SRPK2: variants seen among roughly 807,000 people sequenced by gnomAD.
The protein encoded by SRPK2 is SRSF protein kinase 2.
Under a neutral mutation model 90.8 loss-of-function variants are expected in SRPK2, and 21 were observed. The ratio of observed to expected loss-of-function variants is 0.23; its 90% CI spans 0.16 to 0.33. The LOEUF (loss-of-function observed/expected upper bound fraction) is 0.33. Among genes scored for constraint, SRPK2 ranks in the 10% least tolerant of loss-of-function variants. SRPK2 has a pLI of 1.00. For synonymous variants in SRPK2, 288 were observed against 311.1 expected (o/e 0.93, Z 0.78); for missense variants, 620 against 869.0 (o/e 0.71, Z 3.60).
chr7:105,184,494 T>C (rs1793320112), intron 3 of SRPK2, among the ~76,000 whole-genome samples: 1 of 152,212 alleles, frequency 6.6e-6, no homozygotes, highest in Non-Finnish European at 1.5e-5. Context: ...ATAAGCTAAG[T>C]GTCCCAGAGG....
In SRPK2 at chr7:105,371,978, C is replaced by CA. The variant is rs368107016; in HGVS notation, c.71+16669dup. Among the ~76,000 whole-genome samples, 425 of 151,472 alleles carry CA rather than the reference C, an allele frequency of 2.8e-3. 10 individuals carry two copies. The East Asian group carries it at 0.055, about 20-fold the overall frequency. ...TGAAACCCCACCTCTACTAAAAATACAAAAAAATTAGCCAGGCGTGGTGGC... is the reference window on the plus strand; with the variant it reads ...TGAAACCCCACCTCTACTAAAAATACAAAAAAAATTAGCCAGGCGTGGTGGC... On this transcript the variant is annotated intron_variant, in intron 2 of 15. Coordinates refer to ENST00000393651, the MANE Select transcript of SRPK2 (RefSeq NM_182692.3).
At chr7:105,384,058 T>C (rs1199949444) in intron 2 of SRPK2, among the ~76,000 whole-genome samples, 1 of 152,182 alleles carries the variant, frequency 6.6e-6, no homozygotes, top group Non-Finnish European at 1.5e-5. Context: ...ATTTAATGAA[T>C]AGACTAAAAA....
At chr7:105,131,524 C>T (rs192511119) in intron 13 of SRPK2, among the ~76,000 whole-genome samples, 64 of 152,188 alleles carry the variant, frequency 4.2e-4, no homozygotes, top group Non-Finnish European at 7.6e-4. Flanking sequence ...TTAAGAGCAA[C>T]GAGGGAATAG....
chr7:105,274,192 T>C (rs1273959392), intron 2 of SRPK2, among the ~76,000 whole-genome samples: 3 of 152,144 alleles, frequency 2.0e-5, no homozygotes, highest in Non-Finnish European at 2.9e-5. Context: ...GTATGTTTTA[T>C]CTAAGTTCCT....
At chr7:105,336,738 T>C (rs2131811191) in intron 2 of SRPK2, among the ~76,000 whole-genome samples, 1 of 152,342 alleles carries the variant, frequency 6.6e-6, no homozygotes, top group East Asian at 1.9e-4. Flanking sequence ...TTCCCAATTC[T>C]AATAAATCAA....
chr7:105,224,343 C>T (rs1798457899), intron 2 of SRPK2, among the ~76,000 whole-genome samples: 1 of 152,142 alleles, frequency 6.6e-6, no homozygotes. Context: ...GGTGCAGTGG[C>T]TCACACCTGT....
intron 2 of SRPK2, among the ~76,000 whole-genome samples, chr7:105,337,417 C>T (rs1349887708): frequency 6.6e-6 from 1 of 151,730 alleles, no homozygotes; most frequent in African/African-American, 2.4e-5. Flanking sequence ...CCGGTTCAAG[C>T]GATTCTCCTG....
intron 2 of SRPK2, among the ~76,000 whole-genome samples, chr7:105,279,159 T>A (rs1806926081): frequency 6.7e-6 from 1 of 150,078 alleles, no homozygotes; most frequent in African/African-American, 2.5e-5. Flanking sequence ...CCACAGACTA[T>A]GTCATGTTCG....
chr7:105,178,028 CAAAAAAAAAA>C (rs748165970), intron 3 of SRPK2, among the ~76,000 whole-genome samples: 1 of 57,126 alleles, frequency 1.8e-5, no homozygotes, highest in Admixed American at 1.9e-4. Context: ...GACTCCGTCT[CAAAAAAAAAA>C]AAAAAAAAAA....
intron 2 of SRPK2, among the ~76,000 whole-genome samples, chr7:105,304,668 C>T (rs935370115): frequency 6.6e-6 from 1 of 152,108 alleles, no homozygotes; most frequent in Non-Finnish European, 1.5e-5. Flanking sequence ...GACAGTATCC[C>T]GAGCCTTACT....
At chr7:105,196,475 T>C (rs1490942266) in intron 3 of SRPK2, among the ~76,000 whole-genome samples, 2 of 152,130 alleles carry the variant, frequency 1.3e-5, no homozygotes, top group African/African-American at 4.8e-5. Context: ...AGGAGCTGAG[T>C]AATTTCTGTT....
chr7:105,144,891 G>A (rs977162640), intron 9 of SRPK2, among the ~76,000 whole-genome samples: 3 of 152,090 alleles, frequency 2.0e-5, no homozygotes, highest in African/African-American at 7.2e-5. Flanking sequence ...CAGATAACTT[G>A]AGGTTAAGAG....
Position 105,218,177 on chromosome 7 carries a change from G to A in SRPK2, c.72-14392C>T, listed in dbSNP as rs567156863. Among the ~76,000 whole-genome samples the A allele has an allele frequency of 5.3e-5, 8 of 152,322 alleles. No individual in the cohort carries two copies. In the South Asian group the frequency reaches 8.3e-4, roughly 16 times the overall value. On this transcript the variant is annotated intron_variant, in intron 2 of 15. Coordinates refer to ENST00000393651, the MANE Select transcript of SRPK2 (RefSeq NM_182692.3). ...AAGGAGAATATTGGCAGAAGTGCTA[G>A]AGAAAGGTTGAGACCAGATTTTGAC... is the stretch of plus-strand genomic sequence containing the variant.
intron 2 of SRPK2, among the ~76,000 whole-genome samples, chr7:105,281,971 C>T (rs1807402499): frequency 6.6e-6 from 1 of 152,038 alleles, no homozygotes; most frequent in Admixed American, 6.5e-5. Context: ...TCATCAAATT[C>T]ATGTAGAAAT....
chr7:105,337,631 TAA>T (rs1030062425), intron 2 of SRPK2, among the ~76,000 whole-genome samples: 9 of 151,948 alleles, frequency 5.9e-5, no homozygotes, highest in African/African-American at 1.9e-4. Context: ...TAGGATTATA[TAA>T]AGAGAGACAC....
chr7:105,310,863 G>C (rs1342366093), intron 2 of SRPK2, among the ~76,000 whole-genome samples: 1 of 151,976 alleles, frequency 6.6e-6, no homozygotes, highest in Non-Finnish European at 1.5e-5. Flanking sequence ...GAATGAAATG[G>C]AGCATTAAAA....
In SRPK2 at chr7:105,160,619, A is replaced by G. The variant is rs376482023; in HGVS notation, c.515-6T>C. On this transcript the variant is annotated splice_polypyrimidine_tract_variant and splice_region_variant and intron_variant, in intron 6 of 15. Transcript: ENST00000393651. Reference sequence around the variant, plus strand: ...TTCGAAGACCATGCAGACATCTGGGACACAGTTAAGGATCGTTTGTGGATG... The same window carrying G: ...TTCGAAGACCATGCAGACATCTGGGGCACAGTTAAGGATCGTTTGTGGATG... The G allele has an allele frequency of 2.5e-6, 4 of 1,591,996 alleles. No individual in the cohort carries two copies. In the African/African-American group the frequency reaches 5.4e-5, roughly 21 times the overall value.
At chr7:105,363,434 T>A (rs1028886021) in intron 2 of SRPK2, among the ~76,000 whole-genome samples, 3 of 152,108 alleles carry the variant, frequency 2.0e-5, no homozygotes, top group Non-Finnish European at 4.4e-5. Context: ...AAAATGCTCA[T>A]CATCACTGGC....
intron 3 of SRPK2, among the ~76,000 whole-genome samples, chr7:105,181,023 C>G (rs1792713035): frequency 6.6e-6 from 1 of 152,094 alleles, no homozygotes; most frequent in South Asian, 2.1e-4. Context: ...AACACATATA[C>G]AAGCAAAAAA....
Sources: allele counts gnomAD v4.1 joint callset (sites outside exome capture counted in the v4.1 genomes callset), GRCh38; gene constraint gnomAD v4.1.1; transcripts MANE v1.5; gene names NCBI Gene and HGNC (gene_info 2026-07-23, HGNC 2026-07-21).